SEC16A: variants seen among roughly 807,000 people sequenced by gnomAD.
The protein encoded by SEC16A is SEC16 homolog A, endoplasmic reticulum export factor, also known as protein transport protein Sec16A.
SEC16A carries 110 observed loss-of-function variants against 221.9 expected under a neutral mutation model. The observed-to-expected ratio is 0.50, with a 90% confidence interval of 0.42 to 0.58. SEC16A has a LOEUF of 0.58. Ranked by LOEUF, SEC16A falls within the 20% of genes least tolerant of loss-of-function variation. The pLI is 0.00. For missense variants in SEC16A, 3,165 were observed against 3,097.8 expected (o/e 1.02, Z -0.52); for synonymous variants, 1,393 against 1,257.7 (o/e 1.11, Z -2.28).
rs11145751 is a variant in SEC16A at position 136,458,412 on chromosome 9, A to T, written c.5409+722T>A. On this transcript the variant is annotated intron_variant, in intron 17 of 31. Coordinates refer to ENST00000684901, the MANE Select transcript of SEC16A (RefSeq NM_014866.2). ...GGGAGGCTGAGGTGGGCAGATCACA[A>T]GGTCAGGAGATCAAGACCATCCTGG... 3.1e-3 allele frequency among the ~76,000 whole-genome samples: 470 copies of T among 151,904 alleles called. 2 individuals are homozygous for T. The highest frequency in any genetic ancestry group is 6.0e-3 in the Admixed American group (91 of 15,266).
At position 136,474,543 on chromosome 9, in the gene SEC16A, T is replaced by C. The variant is rs1184505577; in HGVS notation, c.3073A>G (p.Ser1025Gly). ...DSLASQQSVA[S>G]HPRQSGPGAP... ...CCAGGCCCAGATTGTCTGGGATGAC[T>C]GGCAACACTTTGCTGAGAAGCGAGG... Residue 1025 changes from serine to glycine, a missense_variant, in exon 3 of 32, where the codon AGT (serine) becomes GGT (glycine). Around this residue, in one of 3 missense-constraint regions of SEC16A, gnomAD observed 2,030 missense variants for 1,923.1 expected, o/e 1.06. Coordinates refer to ENST00000684901, the MANE Select transcript of SEC16A (RefSeq NM_014866.2). 2.5e-6 allele frequency: 4 copies of C among 1,612,954 alleles called. No individual in the cohort carries two copies. The highest frequency in any genetic ancestry group is 1.6e-4 in the Middle Eastern group (1 of 6,062).
In SEC16A at chr9:136,466,064, C is replaced by A. The variant is rs528690627; in HGVS notation, c.4201G>T (p.Gly1401Cys). ...CGGTAGGTGCCGTAGGCAAAATCGC[C>A]GTGAAAGGAGCCTGGAGGAAGCGGG... ...EAPLPPGSFH[G>C]DFAYGTYRSN... The change falls in exon 8 of 32, where the codon GGC becomes TGC. Residue 1401 changes from glycine to cysteine, a missense_variant. By Grantham distance (159) the Gly-to-Cys change is radical. Around this residue, in one of 3 missense-constraint regions of SEC16A, gnomAD observed 2,030 missense variants for 1,923.1 expected, o/e 1.06. Coordinates refer to ENST00000684901, the MANE Select transcript of SEC16A (RefSeq NM_014866.2). This position sits in a 1 kb window ranked among gnomAD's most constrained non-coding sequence, Gnocchi z 5.5. The A allele has an allele frequency of 1.2e-6, 2 of 1,613,066 alleles. No individual in the cohort carries two copies. The highest frequency in any genetic ancestry group is 1.3e-5 in the African/African-American group (1 of 74,924).
chr9:136,481,141 T>TA (rs1564552358), intron 1 of SEC16A, among the ~76,000 whole-genome samples: 1 of 139,358 alleles, frequency 7.2e-6, no homozygotes, highest in East Asian at 2.0e-4. Context: ...TTTTTTTTTT[T>TA]TTTTTTTTTT....
At position 136,447,992 on chromosome 9, in the gene SEC16A, C is replaced by A; in HGVS notation, c.6391-83G>T. 1 of 1,518,764 alleles carries A rather than the reference C, an allele frequency of 6.6e-7. No individual in the cohort carries two copies. Among genetic ancestry groups the A allele is most frequent in the Admixed American group, 1.9e-5 (1 of 52,644 alleles). 94.1% of individuals were successfully genotyped at this position (1,518,764 alleles called of 1,614,324 possible). A position where few individuals can be genotyped will look rare whatever the true frequency, so the allele number is the denominator to read the frequency against. On this transcript the variant is annotated intron_variant, in intron 24 of 31. Coordinates refer to ENST00000684901, the MANE Select transcript of SEC16A (RefSeq NM_014866.2). The surrounding 1 kb of genome is among the most constrained non-coding windows in gnomAD (Gnocchi z 5.5). ...TCTGATTAATGATGACACTTCAAAA[C>A]TTCAGGAAACACCTACTCAGGTCTG...
At chr9:136,480,575 G>A (rs1842194232) in intron 1 of SEC16A, among the ~76,000 whole-genome samples, 1 of 152,132 alleles carries the variant, frequency 6.6e-6, no homozygotes, top group African/African-American at 2.4e-5. Flanking sequence ...GTGGATTCTG[G>A]GATGTCCTAA....
At chr9:136,478,169 C>T (rs940195250) in intron 2 of SEC16A, among the ~76,000 whole-genome samples, 1 of 152,182 alleles carries the variant, frequency 6.6e-6, no homozygotes, top group African/African-American at 2.4e-5. Flanking sequence ...CTTTAAGAGG[C>T]CAAGGCGGGA....
Position 136,477,549 on chromosome 9 carries a change from T to G in SEC16A, c.67A>C (p.Ser23Arg). ...AGPPPAGNPR[S>R]VFWASSPYRR... ...TAAGGGCTGCTAGCCCAGAACACGC[T>G]CCGAGGATTCCCGGCTGGAGGTGGC... is the stretch of plus-strand genomic sequence containing the variant. The change falls in exon 3 of 32, where the codon AGC (serine) becomes CGC (arginine). Residue 23 changes from serine (S) to arginine (R), a missense_variant. Around this residue, in one of 3 missense-constraint regions of SEC16A, gnomAD observed 2,030 missense variants for 1,923.1 expected, o/e 1.06. Coordinates refer to ENST00000684901, the MANE Select transcript of SEC16A (RefSeq NM_014866.2). 6.2e-7 allele frequency: 1 copy of G among 1,613,218 alleles called. No individual in the cohort carries two copies. Among genetic ancestry groups the G allele is most frequent in the Non-Finnish European group, 8.5e-7 (1 of 1,179,762 alleles).
At chr9:136,453,962 C>A in intron 21 of SEC16A, 147 bp downstream of exon 21, 1 of 777,556 alleles carries the variant, frequency 1.3e-6, no homozygotes, top group South Asian at 1.5e-5. Flanking sequence ...CCCATCCAGT[C>A]TGTAACTTCC....
rs187763779 is a variant in SEC16A at position 136,473,482 on chromosome 9, C to T, written c.3567+567G>A. Among the ~76,000 whole-genome samples the T allele has an allele frequency of 9.2e-5, 14 of 152,384 alleles. No homozygotes were observed. In the East Asian group the frequency reaches 2.3e-3, roughly 25 times the overall value. The stretch of plus-strand genomic sequence containing the variant: ...AAGAGGCACAGAAGAATCTTCTGCA[C>T]GAGCACAGCCGGTCCCCGAGCCGCT... On this transcript the variant is annotated intron_variant, in intron 3 of 31. Coordinates refer to ENST00000684901, the MANE Select transcript of SEC16A (RefSeq NM_014866.2).
rs575682282 is a variant in SEC16A, at chr9:136,444,228, G to A, written c.6928-328C>T. 21 of 205,884 alleles carry A rather than the reference G, an allele frequency of 1.0e-4. No individual in the cohort carries two copies. The East Asian group carries it at 2.6e-3, about 25-fold the overall frequency. The allele number at this position is 205,884 out of a possible 1,614,324, so 12.8% of individuals were successfully genotyped here. On this transcript the variant is annotated intron_variant, in intron 30 of 31. Transcript: ENST00000684901. ...AGCTCTAAGGCTCCAGCCATGACAC[G>A]AGGCCCAGGGCTCTCATTTGCAGGC...
chr9:136,440,155 C>T lies in SEC16A; in HGVS notation c.*1600G>A, dbSNP rs1836033162. On this transcript the variant is annotated 3_prime_UTR_variant, in exon 32 of 32. Coordinates refer to ENST00000684901, the MANE Select transcript of SEC16A (RefSeq NM_014866.2). ...CAACAATTTGCAATGTAACAATTCT[C>T]ATTTAGGAAAAATAGCCGCTCCCGC... The T allele has an allele frequency of 6.6e-6, 1 of 152,344 alleles. No homozygotes were observed. Among genetic ancestry groups the T allele is most frequent in the South Asian group, 2.1e-4 (1 of 4,836 alleles). The allele number at this position is 152,344 out of a possible 1,614,324, so 9.4% of individuals were successfully genotyped here. A position where few individuals can be genotyped will look rare whatever the true frequency, so the allele number is the denominator to read the frequency against.
At position 136,463,129 on chromosome 9, in the gene SEC16A, C is replaced by T. The variant is rs376298967; in HGVS notation, c.4651G>A (p.Val1551Met). Reference sequence around the variant, plus strand: ...AGCTCCGCAATGTCGGTCCCTACCACGGTCTGTTTGGGTCAACAGGAACAG... The same window carrying T: ...AGCTCCGCAATGTCGGTCCCTACCATGGTCTGTTTGGGTCAACAGGAACAG... ...IVLLCRQNGT[V>M]VGTDIAELLL... The change falls in exon 12 of 32, where the codon GTG (valine) becomes ATG (methionine). Residue 1551 changes from valine (V) to methionine (M), a missense_variant. Physicochemically the swap from Val to Met is conservative, Grantham distance 21. Transcript: ENST00000684901. The T allele has an allele frequency of 4.5e-5, 73 of 1,609,284 alleles. No individual in the cohort carries two copies. In the Middle Eastern group the frequency reaches 4.9e-4, roughly 11 times the overall value.
chr9:136,484,174 C>T (rs1173475909), upstream of SEC16A: 3 of 210,290 alleles, frequency 1.4e-5, no homozygotes, highest in African/African-American at 4.7e-5. Context: ...GCGGCCTACT[C>T]GGTTCGTTCC....
rs770887180 is a variant in SEC16A at position 136,460,051 on chromosome 9, G to A, written c.5064C>T (p.Ala1688=). 36 of 1,603,820 alleles carry A rather than the reference G, an allele frequency of 2.2e-5. 1 individual carries two copies. In the Admixed American group the frequency reaches 5.0e-4, roughly 22 times the overall value. Residue 1688 remains alanine (A), a synonymous_variant, in exon 14 of 32, where the codon GCC becomes GCT. Coordinates refer to ENST00000684901, the MANE Select transcript of SEC16A (RefSeq NM_014866.2). ...VYQLMSGRMP[A]ASTCCGDEKW... is the part of the protein sequence containing the mutation. ...AGGCAGTGCCACTCACCGTGGACGCGGCAGGCATCCGTCCGGACATGAGCT... is the reference window on the plus strand; with the variant it reads ...AGGCAGTGCCACTCACCGTGGACGCAGCAGGCATCCGTCCGGACATGAGCT...
intron 10 of SEC16A, 33 bp downstream of exon 10, chr9:136,463,646 G>A: frequency 6.2e-7 from 1 of 1,613,610 alleles, no homozygotes; most frequent in Non-Finnish European, 8.5e-7. Context: ...GCAAGGCCGG[G>A]CTCACAAAGA....
chr9:136,483,437 T>G, upstream of SEC16A: 297 of 330,782 alleles, frequency 9.0e-4, no homozygotes, highest in South Asian at 1.2e-3. Context: ...TTCCCGCCCC[T>G]TTGGCCCCGC....
In SEC16A at chr9:136,475,685, T is replaced by G; in HGVS notation, c.1931A>C (p.Gln644Pro). 6.2e-7 allele frequency: 1 copy of G among 1,613,770 alleles called. No individual in the cohort carries two copies. Among genetic ancestry groups the G allele is most frequent in the Non-Finnish European group, 8.5e-7 (1 of 1,179,828 alleles). The change falls in exon 3 of 32, where the codon CAG becomes CCG. Residue 644 changes from glutamine (Q) to proline (P), a missense_variant. Gln to Pro is a moderately conservative substitution (Grantham distance 76, BLOSUM62 -1). Around this residue, in one of 3 missense-constraint regions of SEC16A, gnomAD observed 2,030 missense variants for 1,923.1 expected, o/e 1.06. Transcript: ENST00000684901. This position sits in a 1 kb window ranked among gnomAD's most constrained non-coding sequence, Gnocchi z 5.0. Reference protein sequence around the residue: ...EVRETCVRQKQCRPAAALPDA... With the variant: ...EVRETCVRQKPCRPAAALPDA... ...GGGCAGGGCGGCAGCTGGTCTGCAC[T>G]GCTTCTGGCGGACACAGGTCTCCCT...
intron 13 of SEC16A, 118 bp downstream of exon 13, chr9:136,461,059 T>C (rs1839407264): frequency 2.6e-6 from 2 of 763,348 alleles, no homozygotes; most frequent in East Asian, 2.7e-5. Context: ...CGAGTTCGTG[T>C]GGGAGCACAG....
Position 136,474,985 on chromosome 9 carries a change from A to C in SEC16A, c.2631T>G (p.Gly877=), listed in dbSNP as rs765160015. 17 of 1,613,282 alleles carry C rather than the reference A, an allele frequency of 1.1e-5. No homozygotes were observed. The highest frequency in any genetic ancestry group is 2.2e-5 in the South Asian group (2 of 91,032). The change falls in exon 3 of 32, where the codon GGT becomes GGG. Residue 877 remains glycine (G), a synonymous_variant. Coordinates refer to ENST00000684901, the MANE Select transcript of SEC16A (RefSeq NM_014866.2). ...RPAVSSWALG[G]DSGENTSLSG... Reference sequence around the variant, plus strand: ...ACAAAGAAGTGTTCTCCCCAGAATCACCACCGAGAGCCCAACTGCTGACTG... The same window carrying C: ...ACAAAGAAGTGTTCTCCCCAGAATCCCCACCGAGAGCCCAACTGCTGACTG...
Sources: gnomAD v4.1 joint callset for allele counts (sites outside exome capture counted in the v4.1 genomes callset) on GRCh38, gnomAD v4.1.1 for gene constraint, gnomAD v4.1.1 regional missense constraint, Gnocchi (gnomAD v3.1) non-coding constraint, MANE v1.5 for transcripts, NCBI Gene and HGNC (gene_info 2026-07-23, HGNC 2026-07-21) for gene names.